The following CSMD1 variants were observed in gnomAD, a reference collection of about 807,000 sequenced individuals.
CSMD1 encodes CUB and Sushi multiple domains 1.
Under a neutral mutation model 417.5 loss-of-function variants are expected in CSMD1, and 213 were observed. That is an observed-to-expected ratio of 0.51 (90% CI 0.46 to 0.57). The LOEUF (loss-of-function observed/expected upper bound fraction) is 0.57. Ranked by LOEUF, CSMD1 falls within the 20% of genes least tolerant of loss-of-function variation. The pLI is 0.00. For synonymous variants in CSMD1, 2,862 were observed against 1,736.8 expected (o/e 1.65, Z -16.11); for missense variants, 6,923 against 4,529.7 (o/e 1.53, Z -15.17).
At chr8:4,515,944 T>C (rs1014835781) in intron 2 of CSMD1, among the ~76,000 whole-genome samples, 13 of 152,192 alleles carry the variant, frequency 8.5e-5, no homozygotes, top group African/African-American at 3.1e-4. Flanking sequence ...AGAGCCTGCC[T>C]GCTTTGCATA....
At chr8:4,351,362 A>G (rs1408632355) in intron 3 of CSMD1, among the ~76,000 whole-genome samples, 6 of 152,240 alleles carry the variant, frequency 3.9e-5, no homozygotes, top group Non-Finnish European at 7.3e-5. Flanking sequence ...GCATCTCCTT[A>G]TTCGTCTTGT....
intron 2 of CSMD1, among the ~76,000 whole-genome samples, chr8:4,433,764 T>G (rs191479591): frequency 6.6e-6 from 1 of 152,206 alleles, no homozygotes; most frequent in Non-Finnish European, 1.5e-5. Context: ...TATGAATTTA[T>G]AGATGGAGTT....
At chr8:4,168,027 G>A (rs746598539) in intron 3 of CSMD1, among the ~76,000 whole-genome samples, 3 of 152,000 alleles carry the variant, frequency 2.0e-5, no homozygotes, top group Non-Finnish European at 4.4e-5. Context: ...TAATCAGGAA[G>A]CTGAGGCCGT....
chr8:3,413,829 A>G lies in CSMD1; in HGVS notation c.1562-4224T>C, dbSNP rs73657860. On this transcript the variant is annotated intron_variant, in intron 12 of 69. Coordinates refer to ENST00000635120, the MANE Select transcript of CSMD1 (RefSeq NM_033225.6). ...TTCTCTCTATGTCAGAGACGATTTT[A>G]ACACATTTTCTTAGAAACAAACACT... Among the ~76,000 whole-genome samples, 250 of 152,158 alleles carry G rather than the reference A, an allele frequency of 1.6e-3. 1 individual carries two copies. The highest frequency in any genetic ancestry group is 5.7e-3 in the African/African-American group (236 of 41,530).
At chr8:4,142,546 A>G (rs924765327) in intron 3 of CSMD1, among the ~76,000 whole-genome samples, 10 of 151,348 alleles carry the variant, frequency 6.6e-5, no homozygotes, top group Admixed American at 5.2e-4. Flanking sequence ...ACATGTTCAG[A>G]CACTAAAATG....
intron 5 of CSMD1, among the ~76,000 whole-genome samples, chr8:3,775,090 T>G (rs946919205): frequency 4.6e-5 from 7 of 152,236 alleles, no homozygotes; most frequent in Non-Finnish European, 5.9e-5. Flanking sequence ...TTTCTGGAAT[T>G]TTCTATTTAA....
At chr8:4,436,828 G>A (rs1422564589) in intron 2 of CSMD1, among the ~76,000 whole-genome samples, 1 of 152,146 alleles carries the variant, frequency 6.6e-6, no homozygotes, top group Non-Finnish European at 1.5e-5. Flanking sequence ...CTCTAGCCAT[G>A]TTGGTGCAAA....
intron 33 of CSMD1, 63 bp from the exon 34 acceptor site, chr8:3,190,178 G>C (rs1475817336): frequency 7.6e-7 from 1 of 1,309,578 alleles, no homozygotes; most frequent in Non-Finnish European, 1.1e-6. Context: ...ACGTTGCGTG[G>C]AACGTGGGTT....
intron 26 of CSMD1, among the ~76,000 whole-genome samples, chr8:3,253,344 T>C (rs749123956): frequency 3.3e-5 from 5 of 152,146 alleles, no homozygotes; most frequent in African/African-American, 4.8e-5. Flanking sequence ...TGGTTTTGAG[T>C]GAGTTTCTTA....
chr8:4,527,407 G>C (rs1796572432), intron 2 of CSMD1, among the ~76,000 whole-genome samples: 1 of 151,998 alleles, frequency 6.6e-6, no homozygotes, highest in Non-Finnish European at 1.5e-5. Flanking sequence ...CCTTTTTTCT[G>C]AACTTATTTT....
At chr8:3,301,843 A>G (rs1254137730) in intron 25 of CSMD1, among the ~76,000 whole-genome samples, 1 of 152,218 alleles carries the variant, frequency 6.6e-6, no homozygotes, top group Non-Finnish European at 1.5e-5. Flanking sequence ...AGACTAAAGT[A>G]ACAGGAAAGT....
At chr8:3,237,374 G>T (rs1799214458) in intron 26 of CSMD1, among the ~76,000 whole-genome samples, 1 of 151,640 alleles carries the variant, frequency 6.6e-6, no homozygotes, top group Non-Finnish European at 1.5e-5. Context: ...GGCTGAGGCA[G>T]GAGACTCAGG....
intron 1 of CSMD1, among the ~76,000 whole-genome samples, chr8:4,948,649 A>G (rs1246953226): frequency 6.6e-6 from 1 of 152,072 alleles, no homozygotes; most frequent in African/African-American, 2.4e-5. Flanking sequence ...AGTATTATAA[A>G]TATGTTGCTA....
intron 5 of CSMD1, 74 bp from the exon 6 acceptor site, chr8:3,754,116 G>C (rs1251645941): frequency 6.8e-6 from 6 of 878,028 alleles, no homozygotes; most frequent in African/African-American, 6.6e-5. Context: ...AACCCGCTTT[G>C]AAATCCGATT....
chr8:3,410,462 T>C (rs1308623782), intron 12 of CSMD1, among the ~76,000 whole-genome samples: 2 of 152,164 alleles, frequency 1.3e-5, no homozygotes, highest in Non-Finnish European at 2.9e-5. Context: ...AGGTCTTTCC[T>C]GTGCTGTTCT....
At chr8:4,601,836 C>T (rs1263959004) in intron 2 of CSMD1, among the ~76,000 whole-genome samples, 1 of 152,154 alleles carries the variant, frequency 6.6e-6, no homozygotes, top group African/African-American at 2.4e-5. Context: ...GGTTAGCGTG[C>T]ATCTTTCACC....
chr8:3,616,990 T>A (rs1398073835), intron 7 of CSMD1, among the ~76,000 whole-genome samples, 193 bp from the exon 8 acceptor site: 3 of 152,154 alleles, frequency 2.0e-5, no homozygotes, highest in African/African-American at 7.2e-5. Context: ...ACATGTGTTT[T>A]CCAGTGAAAG....
At chr8:4,605,669 C>T (rs1800827403) in intron 2 of CSMD1, among the ~76,000 whole-genome samples, 1 of 152,162 alleles carries the variant, frequency 6.6e-6, no homozygotes, top group Non-Finnish European at 1.5e-5. Context: ...AATGCTTTAA[C>T]ATATACTTAT....
At chr8:4,898,533 A>G (rs1048748221) in intron 1 of CSMD1, among the ~76,000 whole-genome samples, 4 of 152,332 alleles carry the variant, frequency 2.6e-5, no homozygotes, top group Non-Finnish European at 5.9e-5. Flanking sequence ...ACAGGTCTTT[A>G]TGCCTCTGTT....
Sources: allele counts gnomAD v4.1 joint callset (sites outside exome capture counted in the v4.1 genomes callset), GRCh38; gene constraint gnomAD v4.1.1; transcripts MANE v1.5; gene names NCBI Gene and HGNC (gene_info 2026-07-23, HGNC 2026-07-21).